SPATA13: variants seen among roughly 807,000 people sequenced by gnomAD.
The protein encoded by SPATA13 is spermatogenesis associated 13.
Under a neutral mutation model 104.0 loss-of-function variants are expected in SPATA13, and 50 were observed. The observed-to-expected ratio is 0.48, with a 90% confidence interval of 0.38 to 0.61. SPATA13 has a LOEUF of 0.61. Among genes scored for constraint, SPATA13 ranks in the 20% least tolerant of loss-of-function variants. SPATA13 has a pLI of 0.00. For synonymous variants in SPATA13, 606 were observed against 667.5 expected (o/e 0.91, Z 1.42); for missense variants, 1,524 against 1,690.6 (o/e 0.90, Z 1.73).
intron 1 of SPATA13, among the ~76,000 whole-genome samples, chr13:24,165,587 C>A (rs368963131): frequency 6.6e-6 from 1 of 152,162 alleles, no homozygotes; most frequent in African/African-American, 2.4e-5. Context: ...ACCCCCCACC[C>A]ACCCCAACTC....
At chr13:24,135,615 G>A (rs966746982) in intron 3 of SPATA13, among the ~76,000 whole-genome samples, 10 of 148,906 alleles carry the variant, frequency 6.7e-5, no homozygotes, top group Non-Finnish European at 3.0e-5. Context: ...GGAGAATGGC[G>A]TGAACCCGGG....
At position 24,306,080 on chromosome 13, in the gene SPATA13, A is replaced by G. The variant is rs1311723595; in HGVS notation, c.*3307A>G. ...GTTGAAAACATTTCACCACCATCAA[A>G]CACTATTTCTGAATATTGTGCCTTT... is the stretch of plus-strand genomic sequence containing the variant. On this transcript the variant is annotated 3_prime_UTR_variant, in exon 13 of 13. Transcript: ENST00000382108. 6.6e-6 allele frequency: 1 copy of G among 152,170 alleles called. No homozygotes were observed. Among genetic ancestry groups the G allele is most frequent in the Non-Finnish European group, 1.5e-5 (1 of 68,024 alleles). The allele number at this position is 152,170 out of a possible 1,614,324, so 9.4% of individuals were successfully genotyped here.
chr13:24,139,927 A>G lies in SPATA13; in HGVS notation c.-111-82892A>G, dbSNP rs143273235. On this transcript the variant is annotated intron_variant, in intron 3 of 14. Transcript: ENST00000424834. ...CTAAAAAATTCAAAACATTAGCTGG[A>G]CGTGGTGGCGGGCACCTGTAGTCCC... Among the ~76,000 whole-genome samples, 632 of 152,182 alleles carry G rather than the reference A, an allele frequency of 4.2e-3. 3 individuals are homozygous for G. Among genetic ancestry groups the G allele is most frequent in the African/African-American group, 0.013 (531 of 41,530 alleles).
intron 1 of SPATA13, among the ~76,000 whole-genome samples, chr13:24,202,782 T>G (rs1360524410): frequency 1.3e-5 from 2 of 152,022 alleles, no homozygotes; most frequent in Non-Finnish European, 1.5e-5. Context: ...TAAGCAAAGG[T>G]AGTGAAACAC....
chr13:23,988,917 G>A (rs998394983), intron 2 of SPATA13, among the ~76,000 whole-genome samples: 1 of 152,084 alleles, frequency 6.6e-6, no homozygotes, highest in Non-Finnish European at 1.5e-5. Context: ...GGGAGTCTTT[G>A]GGGGCTCTCC....
At chr13:24,192,401 C>A (rs1039165970) in intron 1 of SPATA13, among the ~76,000 whole-genome samples, 1 of 152,048 alleles carries the variant, frequency 6.6e-6, no homozygotes, top group Non-Finnish European at 1.5e-5. Context: ...GACTGTGATG[C>A]CTGCTACTCT....
intron 3 of SPATA13, among the ~76,000 whole-genome samples, chr13:24,099,834 A>G (rs559272892): frequency 2.1e-4 from 32 of 152,376 alleles, no homozygotes; most frequent in African/African-American, 7.2e-4. Flanking sequence ...ATGCAGCTTC[A>G]CAGGGGCTTA....
Position 24,144,575 on chromosome 13 carries a change from C to T in SPATA13, c.-111-78244C>T, listed in dbSNP as rs530315359. Among the ~76,000 whole-genome samples the T allele has an allele frequency of 2.0e-3, 298 of 152,220 alleles. 1 individual carries two copies. Among genetic ancestry groups the T allele is most frequent in the African/African-American group, 6.9e-3 (286 of 41,528 alleles). ...GCCCAGACAAACTTTGATCAGGCAC[C>T]GCTGAGCAGCTCTTGGGGGCTCTTT... On this transcript the variant is annotated intron_variant, in intron 3 of 14. Transcript: ENST00000424834.
intron 1 of SPATA13, among the ~76,000 whole-genome samples, chr13:24,192,876 C>G (rs576784416): frequency 2.0e-5 from 3 of 152,286 alleles, no homozygotes; most frequent in African/African-American, 7.2e-5. Context: ...GAGGCACTTC[C>G]AGAGCCCAGC....
intron 3 of SPATA13, among the ~76,000 whole-genome samples, chr13:24,136,828 T>TTATGAGAGATAAGGTCAC (rs1566117257): frequency 2.8e-5 from 3 of 107,980 alleles, no homozygotes; most frequent in Admixed American, 1.0e-4. Context: ...TTCTTTATTT[T>TTATGAGAGATAAGGTCAC]ATTTATTTAT....
rs1234708271 is a variant in SPATA13, at chr13:24,224,348, C to T, written c.1419C>T (p.Ser473=). The stretch of plus-strand genomic sequence containing the variant: ...GGCCCACCACACCCAAGCCCCAGAG[C>T]CCTCAGAGCCCCCAGAGCCCCGGGG... ...PLRPTTPKPQ[S]PQSPQSPGAG... is the part of the protein sequence containing the mutation. Residue 473 remains serine, a synonymous_variant, in exon 2 of 13, where the codon AGC becomes AGT. Transcript: ENST00000382108. 29 of 1,551,566 alleles carry T rather than the reference C, an allele frequency of 1.9e-5. No individual in the cohort carries two copies. The highest frequency in any genetic ancestry group is 5.2e-6 in the Non-Finnish European group (6 of 1,147,004).
chr13:24,198,316 C>G (rs1237418477), intron 1 of SPATA13, among the ~76,000 whole-genome samples: 7 of 152,142 alleles, frequency 4.6e-5, no homozygotes, highest in Non-Finnish European at 1.5e-5. Flanking sequence ...TCCAGACTCA[C>G]TGGACTAAAT....
intron 4 of SPATA13, chr13:24,278,850 A>G (rs1875215443): frequency 1.9e-6 from 3 of 1,565,410 alleles, no homozygotes; most frequent in South Asian, 2.4e-5. Context: ...AAAGCCTTGC[A>G]TGAAGTCCAC....
At chr13:24,285,432 T>C (rs1294881199) in intron 5 of SPATA13, among the ~76,000 whole-genome samples, 1 of 152,128 alleles carries the variant, frequency 6.6e-6, no homozygotes, top group East Asian at 1.9e-4. Context: ...ATTTCAGAAT[T>C]CAAGTTTGCT....
At chr13:24,036,811 TTTA>T (rs753736033) in intron 3 of SPATA13, among the ~76,000 whole-genome samples, 11 of 152,286 alleles carry the variant, frequency 7.2e-5, no homozygotes, top group Non-Finnish European at 1.2e-4. Flanking sequence ...GCTGTCAATT[TTTA>T]TTGATTGATT....
At chr13:24,083,141 TG>T (rs1264467013) in intron 3 of SPATA13, among the ~76,000 whole-genome samples, 1 of 152,232 alleles carries the variant, frequency 6.6e-6, no homozygotes, top group Non-Finnish European at 1.5e-5. Flanking sequence ...AGCCTTGAGG[TG>T]CTCACCAGCT....
At chr13:24,026,895 C>A (rs1028922856) in intron 3 of SPATA13, among the ~76,000 whole-genome samples, 4 of 152,134 alleles carry the variant, frequency 2.6e-5, no homozygotes, top group African/African-American at 9.7e-5. Flanking sequence ...AGCCACCACA[C>A]CTGGCCAACT....
At chr13:24,054,121 C>A (rs1251414499) in intron 3 of SPATA13, among the ~76,000 whole-genome samples, 1 of 151,910 alleles carries the variant, frequency 6.6e-6, no homozygotes, top group East Asian at 1.9e-4. Flanking sequence ...GGTGAAGAAG[C>A]CCACAAAGAG....
At chr13:24,256,625 C>A (rs556621189) in intron 4 of SPATA13, among the ~76,000 whole-genome samples, 1 of 152,040 alleles carries the variant, frequency 6.6e-6, no homozygotes, top group Admixed American at 6.5e-5. Flanking sequence ...CCCTCCCTTC[C>A]GAGAACTTGG....
Sources: allele counts gnomAD v4.1 joint callset (sites outside exome capture counted in the v4.1 genomes callset), GRCh38; gene constraint gnomAD v4.1.1; transcripts MANE v1.5; gene names NCBI Gene and HGNC (gene_info 2026-07-23, HGNC 2026-07-21).